The following ZFAND6 variants were observed in gnomAD, a reference collection of about 807,000 sequenced individuals.
The protein encoded by ZFAND6 is zinc finger AN1-type containing 6.
A neutral mutation model predicts 24.5 loss-of-function variants in ZFAND6; 12 were observed. The observed-to-expected ratio is 0.49, with a 90% CI of 0.31 to 0.79. The LOEUF (loss-of-function observed/expected upper bound fraction) is 0.79. Among genes scored for constraint, ZFAND6 ranks in the 30% least tolerant of loss-of-function variants. The pLI, the probability that ZFAND6 is intolerant of heterozygous loss-of-function variation, is 0.04. For missense variants in ZFAND6, 207 were observed against 245.9 expected, an observed-to-expected ratio of 0.84 and a Z score of 1.06; for synonymous variants, 92 against 81.5, an observed-to-expected ratio of 1.13 and a Z score of -0.69.
At chr15:80,087,782 G>A (rs906180271) in intron 1 of ZFAND6, among the ~76,000 whole-genome samples, 78 of 152,030 alleles carry the variant, frequency 5.1e-4, no homozygotes, top group Non-Finnish European at 1.6e-4. Context: ...TTCATACATC[G>A]TTTTTCTAGA....
At chr15:80,129,673 C>T (rs1481356531) in intron 5 of ZFAND6, 1 of 152,192 alleles carries the variant, frequency 6.6e-6, no homozygotes, top group African/African-American at 2.4e-5. Context: ...ACCGATGTCT[C>T]CCCTCAAAGA....
chr15:80,076,703 A>T (rs2037301559), intron 1 of ZFAND6, among the ~76,000 whole-genome samples: 1 of 146,552 alleles, frequency 6.8e-6, no homozygotes, highest in Admixed American at 6.8e-5. Flanking sequence ...TGACTAGCAT[A>T]CTTTAAAACT....
At chr15:80,111,328 C>A in intron 2 of ZFAND6, 1 of 346,074 alleles carries the variant, frequency 2.9e-6, no homozygotes, top group Non-Finnish European at 5.8e-6. Context: ...GGACCCCCCT[C>A]ATCCCACCCC....
chr15:80,074,597 A>C (rs1276047471), intron 1 of ZFAND6, among the ~76,000 whole-genome samples: 1 of 151,874 alleles, frequency 6.6e-6, no homozygotes, highest in South Asian at 2.1e-4. Flanking sequence ...GAAACAGATA[A>C]CTTTTATGAA....
intron 1 of ZFAND6, among the ~76,000 whole-genome samples, chr15:80,062,630 T>G (rs1253646405): frequency 6.6e-6 from 1 of 152,204 alleles, no homozygotes; most frequent in Non-Finnish European, 1.5e-5. Context: ...TTTTTCTATA[T>G]GTAGCTTGCA....
In ZFAND6 at chr15:80,118,016, T is replaced by TTGTGTATGTGTG. The variant is rs1555434593; in HGVS notation, c.-17-2307_-17-2306insATGTGTGTGTGT. Among the ~76,000 whole-genome samples the TTGTGTATGTGTG allele has an allele frequency of 3.2e-3, 478 of 150,416 alleles. 2 individuals are homozygous for TTGTGTATGTGTG. The highest frequency in any genetic ancestry group is 0.011 in the African/African-American group (440 of 40,934). Reference sequence around the variant, plus strand: ...GCTGGGATTCAATCCAGGTATTGAATTGTGTGTGTGTGTGTGTGTATATGT... The same window carrying TTGTGTATGTGTG: ...GCTGGGATTCAATCCAGGTATTGAATTGTGTATGTGTGTGTGTGTGTGTGTGTGTGTATATGT... On this transcript the variant is annotated intron_variant, in intron 2 of 6. Transcript: ENST00000261749.
At chr15:80,132,945 A>G (rs551779943) in intron 6 of ZFAND6, among the ~76,000 whole-genome samples, 128 of 152,034 alleles carry the variant, frequency 8.4e-4, no homozygotes, top group African/African-American at 3.0e-3. Context: ...TATTGTTAAA[A>G]AAAAAAAAAA....
At chr15:80,111,639 C>T in intron 2 of ZFAND6, 1 of 348,428 alleles carries the variant, frequency 2.9e-6, no homozygotes, top group Non-Finnish European at 5.8e-6. Flanking sequence ...GGAAATTTTT[C>T]TCATAAGTTT....
intron 2 of ZFAND6, among the ~76,000 whole-genome samples, chr15:80,108,469 A>C (rs898515127): frequency 3.9e-5 from 6 of 152,198 alleles, no homozygotes; most frequent in African/African-American, 1.4e-4. Context: ...AGCCAGTGGG[A>C]AAATTTGAAC....
At chr15:80,119,866 C>T (rs1054931315) in intron 2 of ZFAND6, among the ~76,000 whole-genome samples, 1 of 152,162 alleles carries the variant, frequency 6.6e-6, no homozygotes. Context: ...AGAAATGATA[C>T]TATGTGAAAT....
chr15:80,125,407 C>T (rs1002235438), intron 5 of ZFAND6, among the ~76,000 whole-genome samples: 1 of 152,150 alleles, frequency 6.6e-6, no homozygotes, highest in Non-Finnish European at 1.5e-5. Flanking sequence ...TATGTCTAAG[C>T]CAGAAGTTTG....
In ZFAND6 at chr15:80,093,125, T is replaced by G. The variant is rs538053667; in HGVS notation, c.-180-5291T>G. ...GTGCGCTACCATGCCCAGCTAATTT[T>G]TGTGTGTGTGTGTGTGTTTTTAGTA... On this transcript the variant is annotated intron_variant, in intron 1 of 6. Coordinates refer to ENST00000261749, the MANE Select transcript of ZFAND6 (RefSeq NM_019006.4). 5.0e-3 allele frequency among the ~76,000 whole-genome samples: 760 copies of G among 151,056 alleles called. 7 individuals carry two copies. Among genetic ancestry groups the G allele is most frequent in the African/African-American group, 0.013 (555 of 41,258 alleles).
chr15:80,063,627 G>A (rs1166097996), intron 1 of ZFAND6, among the ~76,000 whole-genome samples: 6 of 150,138 alleles, frequency 4.0e-5, no homozygotes, highest in Non-Finnish European at 7.4e-5. Context: ...GCACAATCTC[G>A]GCTCACAGCA....
chr15:80,096,303 A>G (rs2038717938), intron 1 of ZFAND6, among the ~76,000 whole-genome samples: 1 of 152,234 alleles, frequency 6.6e-6, no homozygotes, highest in Non-Finnish European at 1.5e-5. Flanking sequence ...TTATTGCCCA[A>G]GATTGGTACA....
intron 2 of ZFAND6, among the ~76,000 whole-genome samples, chr15:80,105,237 T>A (rs1180600819): frequency 6.6e-6 from 1 of 152,228 alleles, no homozygotes; most frequent in Admixed American, 6.5e-5. Context: ...GATACATCAT[T>A]TTATAAACTT....
At chr15:80,123,085 A>G (rs117247288) in intron 5 of ZFAND6, 7,397 of 245,874 alleles carry the variant, frequency 0.03, 152 homozygotes, top group Middle Eastern at 0.042. Context: ...CTCTTTTACT[A>G]TTTTGGCCGT....
At chr15:80,061,787 A>G (rs557900299) in intron 1 of ZFAND6, among the ~76,000 whole-genome samples, 16 of 152,330 alleles carry the variant, frequency 1.1e-4, no homozygotes, top group Middle Eastern at 3.4e-3. Flanking sequence ...CACAAGTACA[A>G]GAATTTCTCT....
At chr15:80,101,852 G>C (rs905057093) in intron 2 of ZFAND6, among the ~76,000 whole-genome samples, 2 of 149,720 alleles carry the variant, frequency 1.3e-5, no homozygotes, top group African/African-American at 5.0e-5. Flanking sequence ...GAGTGCAGTG[G>C]TGCGATCTCG....
At chr15:80,121,689 T>TA (rs1388935889) in intron 3 of ZFAND6, 23 bp from the exon 4 acceptor site, 1 of 1,596,278 alleles carries the variant, frequency 6.3e-7, no homozygotes, top group East Asian at 2.2e-5. Flanking sequence ...GAATCACTAA[T>TA]ACGCAATGTG....
Sources: allele counts gnomAD v4.1 joint callset (sites outside exome capture counted in the v4.1 genomes callset), GRCh38; gene constraint gnomAD v4.1.1; transcripts MANE v1.5; gene names NCBI Gene and HGNC (gene_info 2026-07-23, HGNC 2026-07-21).